The following LMO7 variants were observed in gnomAD, a reference collection of about 807,000 sequenced individuals.
LMO7 encodes LIM domain only protein 7.
Under a neutral mutation model 206.5 loss-of-function variants are expected in LMO7, and 120 were observed. The ratio of observed to expected loss-of-function variants is 0.58; its 90% confidence interval spans 0.50 to 0.68. The LOEUF (loss-of-function observed/expected upper bound fraction) is 0.68. Among genes scored for constraint, LMO7 ranks in the 30% least tolerant of loss-of-function variants. The pLI, the probability that LMO7 is intolerant of heterozygous loss-of-function variation, is 0.00. For synonymous variants in LMO7, 706 were observed against 681.5 expected, an observed-to-expected ratio of 1.04 and a Z score of -0.56; for missense variants, 1,959 against 1,957.9, an observed-to-expected ratio of 1.00 and a Z score of -0.01.
rs117280990 is a variant in LMO7 at position 75,651,102 on chromosome 13, A to T, written c.69+14376A>T. 6.0e-4 allele frequency among the ~76,000 whole-genome samples: 91 copies of T among 152,326 alleles called. No homozygotes were observed. The East Asian group carries it at 0.016, about 27-fold the overall frequency. On this transcript the variant is annotated intron_variant, in intron 1 of 30. Coordinates refer to ENST00000377534, the MANE Select transcript of LMO7 (RefSeq NM_001306080.2). The stretch of plus-strand genomic sequence containing the variant: ...ATGCTTGTAAGTCTTGAAAGGTATA[A>T]CTTGCCAAATAGCTGATACTTTTGA...
rs71127572 is a variant in LMO7, at chr13:75,681,718, GTATATATATATATA to G, written c.70-31446_70-31433del. On this transcript the variant is annotated intron_variant, in intron 1 of 30. Transcript: ENST00000377534. The stretch of plus-strand genomic sequence containing the variant: ...TATGTATGTATGTGTATATATATAT[GTATATATATATATA>G]TATATATATATATATATGGAATCTT... Among the ~76,000 whole-genome samples, 178 of 104,566 alleles carry G rather than the reference GTATATATATATATA, an allele frequency of 1.7e-3. 8 individuals carry two copies. The East Asian group carries it at 0.029, about 17-fold the overall frequency. 68.6% of individuals were successfully genotyped at this position (104,566 alleles called of 152,430 possible).
chr13:75,784,508 C>T (rs1038981070), intron 4 of LMO7, among the ~76,000 whole-genome samples: 3 of 152,106 alleles, frequency 2.0e-5, no homozygotes, highest in Non-Finnish European at 2.9e-5. Flanking sequence ...AATATGTAGA[C>T]TTCTGAATGT....
chr13:75,824,775 T>C (rs1437860132), intron 15 of LMO7, among the ~76,000 whole-genome samples: 1 of 152,078 alleles, frequency 6.6e-6, no homozygotes, highest in Admixed American at 6.6e-5. Context: ...ATACATTAAG[T>C]ATGTGTATAT....
chr13:75,674,027 C>T (rs946936820), intron 1 of LMO7, among the ~76,000 whole-genome samples: 5 of 152,148 alleles, frequency 3.3e-5, no homozygotes, highest in African/African-American at 1.2e-4. Flanking sequence ...TCATTTTAAA[C>T]TTTCAACTGA....
chr13:75,667,525 G>A (rs934367860), intron 1 of LMO7, among the ~76,000 whole-genome samples: 5 of 152,054 alleles, frequency 3.3e-5, no homozygotes, highest in Admixed American at 1.3e-4. Flanking sequence ...GCTTCTGGTC[G>A]TCTCTTCAGC....
intron 2 of LMO7, among the ~76,000 whole-genome samples, chr13:75,718,502 G>A (rs2043746372): frequency 6.6e-6 from 1 of 152,006 alleles, no homozygotes; most frequent in South Asian, 2.1e-4. Context: ...AACAGTTTTG[G>A]GTTCACAGAA....
At chr13:75,698,094 G>A (rs969386593) in intron 1 of LMO7, among the ~76,000 whole-genome samples, 2 of 152,038 alleles carry the variant, frequency 1.3e-5, no homozygotes, top group Admixed American at 1.3e-4. Context: ...GACAATAAAT[G>A]TACCTGAGAA....
intron 4 of LMO7, among the ~76,000 whole-genome samples, chr13:75,775,166 C>T (rs1472645850): frequency 6.6e-6 from 1 of 151,982 alleles, no homozygotes; most frequent in African/African-American, 2.4e-5. Flanking sequence ...TGCAAAAACT[C>T]ATTGAGTTGA....
chr13:75,796,730 T>C lies in LMO7; in HGVS notation c.443T>C (p.Leu148Ser), dbSNP rs201632819. The C allele has an allele frequency of 1.1e-5, 17 of 1,609,288 alleles. 1 individual carries two copies. The Admixed American group carries it at 1.5e-4, about 14-fold the overall frequency. ...AATTTGAAAGCGTTTGAGAATCTTT[T>C]AGGACAAGCACTGACGAAGGTAAGT... The part of the protein sequence containing the change: ...HLNLKAFENL[L>S]GQALTKALED... Residue 148 changes from leucine to serine, a missense_variant, in exon 6 of 31, where the codon TTA (leucine) becomes TCA (serine). Coordinates refer to ENST00000377534, the MANE Select transcript of LMO7 (RefSeq NM_001306080.2).
intron 3 of LMO7, among the ~76,000 whole-genome samples, chr13:75,741,967 A>G (rs907786979): frequency 1.3e-5 from 2 of 152,202 alleles, no homozygotes; most frequent in African/African-American, 4.8e-5. Flanking sequence ...TGATTCTATA[A>G]CTAGAAAACT....
intron 23 of LMO7, 35 bp downstream of exon 23, chr13:75,841,236 T>C (rs750777223): frequency 7.2e-7 from 1 of 1,382,380 alleles, no homozygotes; most frequent in Non-Finnish European, 1.0e-6. Flanking sequence ...GTTTTTCTTC[T>C]CTTTACCTTG....
chr13:75,810,795 A>T (rs1018694802), intron 11 of LMO7, among the ~76,000 whole-genome samples: 1 of 152,226 alleles, frequency 6.6e-6, no homozygotes, highest in African/African-American at 2.4e-5. Context: ...CAGTGGCTGG[A>T]TGTGTTCCCT....
intron 1 of LMO7, among the ~76,000 whole-genome samples, chr13:75,646,031 C>T (rs1305563224): frequency 6.6e-6 from 1 of 152,194 alleles, no homozygotes; most frequent in East Asian, 1.9e-4. Flanking sequence ...ATAAGCATGT[C>T]ACGCTCAGTG....
chr13:75,783,330 C>T (rs75027002), intron 4 of LMO7, among the ~76,000 whole-genome samples: 1,549 of 151,932 alleles, frequency 0.01, 25 homozygotes, highest in East Asian at 0.069. Context: ...TGATATGTTC[C>T]TTTTTTTTGA....
intron 2 of LMO7, among the ~76,000 whole-genome samples, chr13:75,718,371 A>G (rs953235512): frequency 1.9e-4 from 29 of 152,276 alleles, no homozygotes; most frequent in African/African-American, 6.7e-4. Context: ...ACTCTTATTT[A>G]CCTGAGGGAT....
At chr13:75,712,721 G>A (rs116673956) in intron 1 of LMO7, among the ~76,000 whole-genome samples, 281 of 152,208 alleles carry the variant, frequency 1.8e-3, no homozygotes, top group African/African-American at 6.3e-3. Flanking sequence ...CATGCCCTCT[G>A]CTGTTTAGCT....
intron 2 of LMO7, among the ~76,000 whole-genome samples, chr13:75,723,453 A>G (rs1278100427): frequency 1.3e-5 from 2 of 152,152 alleles, no homozygotes; most frequent in African/African-American, 4.8e-5. Flanking sequence ...TGGAAATAGG[A>G]GCTCAAAAGG....
chr13:75,636,742 T>G lies in LMO7; in HGVS notation c.69+16T>G. Reference sequence around the variant, plus strand: ...ATGGGTGGAGGTGAGTGCCTTTCACTGCTTTCCCTTCCGCAGGTGTTGACT... The same window carrying G: ...ATGGGTGGAGGTGAGTGCCTTTCACGGCTTTCCCTTCCGCAGGTGTTGACT... On this transcript the variant is annotated intron_variant, in intron 1 of 30. Coordinates refer to ENST00000377534, the MANE Select transcript of LMO7 (RefSeq NM_001306080.2). The G allele has an allele frequency of 6.3e-7, 1 of 1,598,674 alleles. No individual in the cohort carries two copies. Among genetic ancestry groups the G allele is most frequent in the Non-Finnish European group, 8.5e-7 (1 of 1,173,074 alleles).
chr13:75,681,718 G>GTATA (rs71127572), intron 1 of LMO7, among the ~76,000 whole-genome samples: 2,656 of 104,258 alleles, frequency 0.025, 99 homozygotes, highest in Middle Eastern at 0.064. Context: ...ATATATATAT[G>GTATA]TATATATATA....
Sources: gnomAD v4.1 joint callset for allele counts (sites outside exome capture counted in the v4.1 genomes callset) on GRCh38, gnomAD v4.1.1 for gene constraint, MANE v1.5 for transcripts, NCBI Gene and HGNC (gene_info 2026-07-23, HGNC 2026-07-21) for gene names.